Variants in RFWD3 observed in about 807,000 individuals in gnomAD.
RFWD3 encodes the protein E3 ubiquitin-protein ligase RFWD3.
RFWD3 carries 65 observed loss-of-function variants against 87.7 expected under a neutral mutation model. The ratio of observed to expected loss-of-function variants is 0.74; its 90% CI spans 0.61 to 0.91. The LOEUF (loss-of-function observed/expected upper bound fraction) is 0.91. Ranked by LOEUF, RFWD3 falls within the 40% of genes least tolerant of loss-of-function variation. The pLI is 0.00. For synonymous variants in RFWD3, 433 were observed against 352.8 expected (o/e 1.23, Z -2.55); for missense variants, 1,078 against 938.5 (o/e 1.15, Z -1.94).
intron 2 of RFWD3, among the ~76,000 whole-genome samples, chr16:74,656,400 T>A (rs1045591548): frequency 1.2e-4 from 19 of 152,080 alleles, no homozygotes; most frequent in Non-Finnish European, 1.9e-4. Context: ...TTATTTTTTT[T>A]AATTTCTTAA....
chr16:74,646,405 A>C (rs530204438), intron 4 of RFWD3, among the ~76,000 whole-genome samples: 1 of 152,308 alleles, frequency 6.6e-6, no homozygotes, highest in South Asian at 2.1e-4. Context: ...TGATTTATAT[A>C]AAGAAAAAAA....
intron 3 of RFWD3, among the ~76,000 whole-genome samples, chr16:74,651,506 T>A (rs1310950482): frequency 6.6e-6 from 1 of 151,792 alleles, no homozygotes; most frequent in Non-Finnish European, 1.5e-5. Context: ...GTAGTCCCAG[T>A]TAGTGGGGAG....
chr16:74,624,881 A>G (rs1288112025), intron 12 of RFWD3, among the ~76,000 whole-genome samples: 1 of 152,128 alleles, frequency 6.6e-6, no homozygotes, highest in Non-Finnish European at 1.5e-5. Context: ...AGTCCCAGCT[A>G]CTCAAGAGGC....
intron 2 of RFWD3, among the ~76,000 whole-genome samples, chr16:74,653,425 G>C (rs567563272): frequency 4.0e-5 from 6 of 151,884 alleles, no homozygotes; most frequent in African/African-American, 1.5e-4. Context: ...AGGCCACAGA[G>C]AGTGAGCGAG....
chr16:74,645,834 G>A (rs1960093166), intron 4 of RFWD3, among the ~76,000 whole-genome samples: 2 of 133,796 alleles, frequency 1.5e-5, no homozygotes, highest in South Asian at 4.8e-4. Context: ...CTCACTGCAA[G>A]TTCCGCCTCC....
chr16:74,655,269 T>C (rs1006455427), intron 2 of RFWD3, among the ~76,000 whole-genome samples: 4 of 152,094 alleles, frequency 2.6e-5, no homozygotes, highest in Admixed American at 6.5e-5. Context: ...AGACAGAGTC[T>C]CACTTTGTCG....
At chr16:74,657,701 T>C (rs752888882) in intron 2 of RFWD3, among the ~76,000 whole-genome samples, 1 of 152,124 alleles carries the variant, frequency 6.6e-6, no homozygotes, top group Non-Finnish European at 1.5e-5. Flanking sequence ...CTCGAACTCG[T>C]GACCTCAGGT....
chr16:74,641,406 G>T (rs1042671770), intron 6 of RFWD3, among the ~76,000 whole-genome samples: 4 of 151,774 alleles, frequency 2.6e-5, no homozygotes, highest in African/African-American at 9.7e-5. Context: ...CAGATGATCC[G>T]CCCACCTCAG....
chr16:74,646,664 T>C (rs1960171988), intron 4 of RFWD3, among the ~76,000 whole-genome samples: 1 of 152,012 alleles, frequency 6.6e-6, no homozygotes, highest in Admixed American at 6.6e-5. Flanking sequence ...CGTGTGCCTG[T>C]AGTTCCAGCT....
intron 12 of RFWD3, among the ~76,000 whole-genome samples, chr16:74,624,520 C>G (rs1328624734): frequency 6.6e-6 from 1 of 152,158 alleles, no homozygotes; most frequent in African/African-American, 2.4e-5. Context: ...CTCAGCCTCC[C>G]AAGTAGCTGG....
intron 6 of RFWD3, among the ~76,000 whole-genome samples, chr16:74,640,544 C>A (rs1959546293): frequency 6.6e-6 from 1 of 152,054 alleles, no homozygotes; most frequent in Non-Finnish European, 1.5e-5. Context: ...GCCTGTACTC[C>A]CAGCTACTCA....
At chr16:74,632,846 T>G (rs981292881) in intron 8 of RFWD3, 173 bp from the exon 9 acceptor site, 62 of 597,150 alleles carry the variant, frequency 1.0e-4, no homozygotes, top group South Asian at 4.3e-4. Flanking sequence ...TTTTTGAGAG[T>G]TGGCCAGGCT....
At chr16:74,647,781 G>A (rs1040777238) in intron 4 of RFWD3, among the ~76,000 whole-genome samples, 21 of 152,030 alleles carry the variant, frequency 1.4e-4, no homozygotes, top group African/African-American at 5.1e-4. Flanking sequence ...TACTAGGGAT[G>A]GGGTTTCGCC....
At chr16:74,635,578 C>T (rs1353729424) in intron 8 of RFWD3, among the ~76,000 whole-genome samples, 4 of 152,052 alleles carry the variant, frequency 2.6e-5, no homozygotes, top group Non-Finnish European at 4.4e-5. Flanking sequence ...GGAATGGACA[C>T]GTTAAGAAAA....
chr16:74,654,854 T>C (rs1460835091), intron 2 of RFWD3, among the ~76,000 whole-genome samples: 2 of 152,172 alleles, frequency 1.3e-5, no homozygotes, highest in Non-Finnish European at 2.9e-5. Flanking sequence ...GCCACAACAT[T>C]CCCTTAAGTG....
In RFWD3 at chr16:74,622,252, C is replaced by T. The variant is rs1252998646; in HGVS notation, c.*1676G>A. ...CTAGGCCTGGGCAACCACTCTTAAT[C>T]ATTAACATATCAAAAGGAGTATCTC... On this transcript the variant is annotated 3_prime_UTR_variant, in exon 13 of 13. Coordinates refer to ENST00000361070, the MANE Select transcript of RFWD3 (RefSeq NM_018124.4). The T allele has an allele frequency of 6.6e-6, 1 of 152,182 alleles. No homozygotes were observed. Among genetic ancestry groups the T allele is most frequent in the Admixed American group, 6.5e-5 (1 of 15,276 alleles). The allele number at this position is 152,182 out of a possible 1,614,324, so 9.4% of individuals were successfully genotyped here.
chr16:74,663,963 T>A (rs1961672532), intron 1 of RFWD3, among the ~76,000 whole-genome samples: 1 of 152,280 alleles, frequency 6.6e-6, no homozygotes, highest in East Asian at 1.9e-4. Flanking sequence ...ACCAGCCAGC[T>A]AAAACAAAAC....
chr16:74,663,830 G>GCT (rs762914601), intron 1 of RFWD3, among the ~76,000 whole-genome samples: 10 of 152,184 alleles, frequency 6.6e-5, no homozygotes, highest in Non-Finnish European at 1.5e-4. Context: ...TGAGAAGCAA[G>GCT]CTGATTCCCA....
At position 74,623,587 on chromosome 16, in the gene RFWD3, A is replaced by C. The variant is rs8058133; in HGVS notation, c.*341T>G. Reference sequence around the variant, plus strand: ...CAGAAAATGCTTGATGCCCACTCACATCCTAGATGATGAGAGGACACTCTC... The same window carrying C: ...CAGAAAATGCTTGATGCCCACTCACCTCCTAGATGATGAGAGGACACTCTC... On this transcript the variant is annotated 3_prime_UTR_variant, in exon 13 of 13. Transcript: ENST00000361070. The C allele has an allele frequency of 5.1e-6, 1 of 197,208 alleles. No individual in the cohort carries two copies. The highest frequency in any genetic ancestry group is 1.0e-5 in the Non-Finnish European group (1 of 97,484). The allele number at this position is 197,208 out of a possible 1,614,324, so 12.2% of individuals were successfully genotyped here.
Sources: allele counts gnomAD v4.1 joint callset (sites outside exome capture counted in the v4.1 genomes callset), GRCh38; gene constraint gnomAD v4.1.1; transcripts MANE v1.5; gene names NCBI Gene and HGNC (gene_info 2026-07-23, HGNC 2026-07-21).